KCNB2: variants seen among roughly 807,000 people sequenced by gnomAD.
KCNB2 encodes delayed rectifier potassium channel protein.
In KCNB2, 15 loss-of-function variants were observed where a neutral mutation model predicts 61.5. That is an observed-to-expected ratio of 0.24 (90% CI 0.16 to 0.38). KCNB2 has a LOEUF of 0.38. KCNB2 is among the 10% of genes least tolerant of loss of function. The pLI is 1.00. For synonymous variants in KCNB2, 457 were observed against 446.0 expected, an observed-to-expected ratio of 1.02 and a Z score of -0.31; for missense variants, 828 against 1,125.2, an observed-to-expected ratio of 0.74 and a Z score of 3.78.
intron 2 of KCNB2, among the ~76,000 whole-genome samples, chr8:72,909,954 T>G (rs915112159): frequency 3.9e-5 from 6 of 152,126 alleles, no homozygotes; most frequent in Non-Finnish European, 8.8e-5. Flanking sequence ...AATATTCAGC[T>G]GCCACTTGAC....
intron 2 of KCNB2, among the ~76,000 whole-genome samples, chr8:72,655,439 T>C (rs1806276297): frequency 6.6e-6 from 1 of 151,834 alleles, no homozygotes; most frequent in Admixed American, 6.6e-5. Flanking sequence ...CTAAAATAAC[T>C]GTTAAAAATA....
chr8:72,833,537 G>C (rs1396739860), intron 2 of KCNB2, among the ~76,000 whole-genome samples: 1 of 152,186 alleles, frequency 6.6e-6, no homozygotes, highest in East Asian at 1.9e-4. Context: ...AAAATTGAAA[G>C]AGGGGAATCA....
intron 2 of KCNB2, among the ~76,000 whole-genome samples, chr8:72,757,957 G>T (rs974252063): frequency 1.3e-5 from 2 of 152,256 alleles, no homozygotes; most frequent in African/African-American, 4.8e-5. Flanking sequence ...GCCCTGTGGG[G>T]TGTGCATGGC....
chr8:72,729,915 T>C (rs898087854), intron 2 of KCNB2, among the ~76,000 whole-genome samples: 3 of 151,928 alleles, frequency 2.0e-5, no homozygotes, highest in Admixed American at 2.0e-4. Context: ...CACATATATA[T>C]ATACACACAT....
chr8:72,689,994 A>T (rs1452849671), intron 2 of KCNB2, among the ~76,000 whole-genome samples: 1 of 151,776 alleles, frequency 6.6e-6, no homozygotes, highest in Non-Finnish European at 1.5e-5. Context: ...TCCTGAAATT[A>T]CTCATTCCAT....
intron 2 of KCNB2, among the ~76,000 whole-genome samples, chr8:72,909,041 G>A (rs897629017): frequency 3.3e-5 from 5 of 152,170 alleles, no homozygotes; most frequent in South Asian, 2.1e-4. Context: ...TTAAGCACTG[G>A]TCATGTACCA....
chr8:72,567,293 C>T (rs1362354537), intron 1 of KCNB2, among the ~76,000 whole-genome samples: 1 of 152,078 alleles, frequency 6.6e-6, no homozygotes, highest in Non-Finnish European at 1.5e-5. Context: ...GCCTGTGTCA[C>T]AGAGAGAGAC....
chr8:72,740,723 C>A (rs887201882), intron 2 of KCNB2, among the ~76,000 whole-genome samples: 1 of 152,164 alleles, frequency 6.6e-6, no homozygotes, highest in South Asian at 2.1e-4. Flanking sequence ...AATCCCTCAG[C>A]CTATCTTTAA....
At position 72,795,129 on chromosome 8, in the gene KCNB2, A is replaced by C. The variant is rs117223594; in HGVS notation, c.580-140806A>C. On this transcript the variant is annotated intron_variant, in intron 2 of 2. Coordinates refer to ENST00000523207, the MANE Select transcript of KCNB2 (RefSeq NM_004770.3). ...GGTACAAGATCATTAAGAGGTAGTA[A>C]GATTTAGAGTTTTAATACCACTCCA... Among the ~76,000 whole-genome samples, 817 of 152,338 alleles carry C rather than the reference A, an allele frequency of 5.4e-3. 8 individuals carry two copies. Among genetic ancestry groups the C allele is most frequent in the Non-Finnish European group, 7.6e-3 (517 of 68,034 alleles).
intron 2 of KCNB2, among the ~76,000 whole-genome samples, chr8:72,640,853 A>T (rs535800661): frequency 6.6e-6 from 1 of 152,096 alleles, no homozygotes; most frequent in Non-Finnish European, 1.5e-5. Flanking sequence ...CAATTAATTC[A>T]ATTTTATAGT....
intron 2 of KCNB2, among the ~76,000 whole-genome samples, chr8:72,586,591 A>G (rs571575717): frequency 1.3e-5 from 2 of 152,362 alleles, no homozygotes; most frequent in East Asian, 3.9e-4. Flanking sequence ...ATTGTCTACC[A>G]TAATACTTTT....
At chr8:72,868,143 C>T (rs1341630857) in intron 2 of KCNB2, among the ~76,000 whole-genome samples, 1 of 150,352 alleles carries the variant, frequency 6.7e-6, no homozygotes, top group Non-Finnish European at 1.5e-5. Context: ...GCAATCATAG[C>T]TCACTGTAGC....
At chr8:72,643,580 A>G (rs995501280) in intron 2 of KCNB2, among the ~76,000 whole-genome samples, 7 of 152,084 alleles carry the variant, frequency 4.6e-5, no homozygotes, top group Non-Finnish European at 1.0e-4. Flanking sequence ...TTGCCTTTTG[A>G]TGAGAATGCA....
At chr8:72,834,561 C>T (rs1054406350) in intron 2 of KCNB2, among the ~76,000 whole-genome samples, 1 of 152,134 alleles carries the variant, frequency 6.6e-6, no homozygotes, top group African/African-American at 2.4e-5. Context: ...AAATTCCTTG[C>T]TGGAAGTCCT....
chr8:72,920,689 G>C (rs1455648135), intron 2 of KCNB2, among the ~76,000 whole-genome samples: 1 of 151,360 alleles, frequency 6.6e-6, no homozygotes, highest in African/African-American at 2.4e-5. Context: ...TAGCACTAAA[G>C]ACCAGGTGTA....
rs900019227 is a variant in KCNB2, at chr8:72,667,123, T to A, written c.579+98810T>A. 2.1e-4 allele frequency among the ~76,000 whole-genome samples: 32 copies of A among 152,126 alleles called. 1 individual carries two copies. The highest frequency in any genetic ancestry group is 2.1e-3 in the Admixed American group (32 of 15,272). ...TTCTCTATGTCTTGGTTTGATCCTTTAAAAAGCAGGGATAATGATAAGCAC... is the reference window on the plus strand; with the variant it reads ...TTCTCTATGTCTTGGTTTGATCCTTAAAAAAGCAGGGATAATGATAAGCAC... On this transcript the variant is annotated intron_variant, in intron 2 of 2. Transcript: ENST00000523207.
intron 2 of KCNB2, among the ~76,000 whole-genome samples, chr8:72,680,923 G>T (rs1009346830): frequency 8.5e-5 from 13 of 152,154 alleles, no homozygotes; most frequent in African/African-American, 2.9e-4. Flanking sequence ...AAAGCTGGTT[G>T]TAAAGATTAG....
At chr8:72,886,750 T>C (rs1321315213) in intron 2 of KCNB2, among the ~76,000 whole-genome samples, 1 of 152,198 alleles carries the variant, frequency 6.6e-6, no homozygotes, top group Non-Finnish European at 1.5e-5. Flanking sequence ...CCAAACAAAA[T>C]AGTAGCGATT....
At chr8:72,931,749 T>A (rs1362323165) in intron 2 of KCNB2, among the ~76,000 whole-genome samples, 1 of 152,172 alleles carries the variant, frequency 6.6e-6, no homozygotes, top group Non-Finnish European at 1.5e-5. Flanking sequence ...TGGTGACTTA[T>A]GCCTGTAATC....
Sources: allele counts gnomAD v4.1 joint callset (sites outside exome capture counted in the v4.1 genomes callset), GRCh38; gene constraint gnomAD v4.1.1; transcripts MANE v1.5; gene names NCBI Gene and HGNC (gene_info 2026-07-23, HGNC 2026-07-21).